INPP1: variants seen among roughly 807,000 people sequenced by gnomAD.
The protein encoded by INPP1 is inositol polyphosphate-1-phosphatase, also known as inositol polyphosphate 1-phosphatase.
INPP1 carries 18 observed loss-of-function variants against 23.0 expected under a neutral mutation model. The ratio of observed to expected loss-of-function variants is 0.78; its 90% CI spans 0.54 to 1.16. INPP1 has a LOEUF of 1.16. INPP1 is among the 50% of genes most tolerant of loss of function. The pLI is 0.00. For synonymous variants in INPP1, 164 were observed against 176.3 expected, an observed-to-expected ratio of 0.93 and a Z score of 0.55; for missense variants, 448 against 482.1, an observed-to-expected ratio of 0.93 and a Z score of 0.66.
chr2:190,361,131 G>A (rs903496034), intron 3 of INPP1, among the ~76,000 whole-genome samples: 1 of 120,868 alleles, frequency 8.3e-6, no homozygotes, highest in South Asian at 2.3e-4. Flanking sequence ...CAATGCAATG[G>A]GTGAAAAAAG....
Position 190,345,890 on chromosome 2 carries a change from A to G in INPP1, c.-209+1929A>G, listed in dbSNP as rs749106434. On this transcript the variant is annotated intron_variant, in intron 1 of 6. Transcript: ENST00000392329. This position sits in a 1 kb window ranked among gnomAD's most constrained non-coding sequence, Gnocchi z 4.9. ...GCACCTGTAGTCCCAGCTATTCAGG[A>G]GGCTGAGGCTGGAGGATCCCTGGAA... 6.6e-6 allele frequency among the ~76,000 whole-genome samples: 1 copy of G among 152,190 alleles called. No individual in the cohort carries two copies. The highest frequency in any genetic ancestry group is 1.5e-5 in the Non-Finnish European group (1 of 68,030).
At chr2:190,366,960 G>A (rs1415635821) in intron 5 of INPP1, 65 bp downstream of exon 5, 5 of 1,055,226 alleles carry the variant, frequency 4.7e-6, no homozygotes, top group African/African-American at 4.7e-5. Flanking sequence ...GGTTGGGGAT[G>A]GGTGTTGGAA....
intron 4 of INPP1, among the ~76,000 whole-genome samples, chr2:190,364,606 T>TTTTCTTTTG (rs796196740): frequency 1.0e-5 from 1 of 96,374 alleles, no homozygotes; most frequent in Non-Finnish European, 1.9e-5. Flanking sequence ...TTTTTTTTTT[T>TTTTCTTTTG]GTTAGATGGA....
chr2:190,370,889 C>G lies in INPP1; in HGVS notation c.687C>G (p.Asn229Lys). The stretch of plus-strand genomic sequence containing the variant: ...GGGGCCTTTCTTACATGGGGACCAA[C>G]ATGCATTCACTACAGCTCACCATCT... ...CYWGLSYMGT[N>K]MHSLQLTISR... Residue 229 changes from asparagine (N) to lysine (K), a missense_variant, in exon 7 of 7, where the codon AAC becomes AAG. Coordinates refer to ENST00000392329, the MANE Select transcript of INPP1 (RefSeq NM_001128928.2). The G allele has an allele frequency of 2.5e-6, 4 of 1,613,984 alleles. No individual in the cohort carries two copies. The highest frequency in any genetic ancestry group is 3.4e-6 in the Non-Finnish European group (4 of 1,179,934).
intron 2 of INPP1, among the ~76,000 whole-genome samples, chr2:190,351,310 C>G (rs1689319656): frequency 6.6e-6 from 1 of 152,180 alleles, no homozygotes; most frequent in Non-Finnish European, 1.5e-5. Flanking sequence ...TCTCCTTTTG[C>G]ACATACATTT....
At chr2:190,349,344 G>A (rs2124915389) in intron 2 of INPP1, among the ~76,000 whole-genome samples, 1 of 152,194 alleles carries the variant, frequency 6.6e-6, no homozygotes, top group East Asian at 1.9e-4. Flanking sequence ...GGTTGAAGCA[G>A]GAGAATCACT....
chr2:190,347,464 A>G (rs1241379437), intron 1 of INPP1, among the ~76,000 whole-genome samples: 3 of 152,200 alleles, frequency 2.0e-5, no homozygotes, highest in Non-Finnish European at 2.9e-5. Context: ...ATGAGTTACC[A>G]TAATGGAAAA....
At chr2:190,365,259 G>C (rs1689621709) in intron 4 of INPP1, 1 of 164,326 alleles carries the variant, frequency 6.1e-6, no homozygotes, top group Non-Finnish European at 1.5e-5. Context: ...TTCTCAATGG[G>C]CTCCACAGAG....
In INPP1 at chr2:190,367,619, C is replaced by G. The variant is rs78783379; in HGVS notation, c.466+724C>G. Among the ~76,000 whole-genome samples, 2,460 of 152,248 alleles carry G rather than the reference C, an allele frequency of 0.016. 71 individuals carry two copies. The highest frequency in any genetic ancestry group is 0.055 in the African/African-American group (2,282 of 41,542). On this transcript the variant is annotated intron_variant, in intron 5 of 6. Coordinates refer to ENST00000392329, the MANE Select transcript of INPP1 (RefSeq NM_001128928.2). The surrounding 1 kb of genome is among the most constrained non-coding windows in gnomAD (Gnocchi z 4.1). The stretch of plus-strand genomic sequence containing the variant: ...CTGGAGTGCAGTGGCACAGTCAGAA[C>G]TCACTCACTGCAGCCTTGTCCTCCT...
intron 2 of INPP1, among the ~76,000 whole-genome samples, chr2:190,353,509 T>C (rs77146884): frequency 2.9e-3 from 445 of 152,354 alleles, no homozygotes; most frequent in African/African-American, 0.01. Context: ...GACATGTGAC[T>C]GTGGTTTCTG....
chr2:190,371,056 T>C lies in INPP1; in HGVS notation c.854T>C (p.Phe285Ser), dbSNP rs915506606. 1 of 1,613,832 alleles carries C rather than the reference T, an allele frequency of 6.2e-7. No individual in the cohort carries two copies. Among genetic ancestry groups the C allele is most frequent in the African/African-American group, 1.3e-5 (1 of 74,812 alleles). Residue 285 changes from phenylalanine to serine, a missense_variant, in exon 7 of 7, where the codon TTT becomes TCT. Coordinates refer to ENST00000392329, the MANE Select transcript of INPP1 (RefSeq NM_001128928.2). The surrounding 1 kb of genome is among the most constrained non-coding windows in gnomAD (Gnocchi z 5.3). ...ALSRVCGDRI[F>S]GAAGAGYKSL... ...TCACGTGTGTGTGGAGATCGCATAT[T>C]TGGGGCAGCTGGGGCTGGTTATAAG...
intron 6 of INPP1, among the ~76,000 whole-genome samples, chr2:190,370,159 T>C (rs1377043663): frequency 6.6e-6 from 1 of 152,226 alleles, no homozygotes. Context: ...GTCAACAAAA[T>C]AGTTTATGGC....
chr2:190,348,089 G>A (rs1689256378), intron 1 of INPP1, among the ~76,000 whole-genome samples: 1 of 152,226 alleles, frequency 6.6e-6, no homozygotes, highest in African/African-American at 2.4e-5. Flanking sequence ...AGTGAGTCAA[G>A]ATCGTGCCAC....
intron 3 of INPP1, among the ~76,000 whole-genome samples, chr2:190,360,783 G>T (rs1575788623): frequency 6.7e-6 from 1 of 149,596 alleles, no homozygotes; most frequent in East Asian, 2.0e-4. Flanking sequence ...TTTGTAACCT[G>T]TTTTTTTTTT....
Position 190,346,655 on chromosome 2 carries a change from G to A in INPP1, c.-208-2233G>A, listed in dbSNP as rs1689221673. On this transcript the variant is annotated intron_variant, in intron 1 of 6. Transcript: ENST00000392329. This position sits in a 1 kb window ranked among gnomAD's most constrained non-coding sequence, Gnocchi z 5.1. ...GAAAAGGTCACACTCTGTCATCCAG[G>A]CTGGAGTACAGTGGTGTGATCATGG... 6.6e-6 allele frequency among the ~76,000 whole-genome samples: 1 copy of A among 151,854 alleles called. No homozygotes were observed. The highest frequency in any genetic ancestry group is 6.6e-5 in the Admixed American group (1 of 15,246).
rs1689202958 is a variant in INPP1, at chr2:190,345,745, G to A, written c.-209+1784G>A. ...GTGGTGGCTCACGCCTGTTATCCCTGCACTTTGGGAGGCCAAGGCAGGTGG... is the reference window on the plus strand; with the variant it reads ...GTGGTGGCTCACGCCTGTTATCCCTACACTTTGGGAGGCCAAGGCAGGTGG... On this transcript the variant is annotated intron_variant, in intron 1 of 6. Coordinates refer to ENST00000392329, the MANE Select transcript of INPP1 (RefSeq NM_001128928.2). This position sits in a 1 kb window ranked among gnomAD's most constrained non-coding sequence, Gnocchi z 4.9. Among the ~76,000 whole-genome samples, 1 of 152,240 alleles carries A rather than the reference G, an allele frequency of 6.6e-6. No individual in the cohort carries two copies. The highest frequency in any genetic ancestry group is 1.9e-4 in the East Asian group (1 of 5,194).
intron 3 of INPP1, among the ~76,000 whole-genome samples, chr2:190,361,692 G>A (rs1028096435): frequency 3.9e-5 from 6 of 152,134 alleles, no homozygotes; most frequent in Admixed American, 6.6e-5. Flanking sequence ...TATTTCATGA[G>A]GCTTTTGTCT....
At chr2:190,370,565 C>G (rs531046575) in intron 6 of INPP1, among the ~76,000 whole-genome samples, 1 of 152,148 alleles carries the variant, frequency 6.6e-6, no homozygotes, top group Non-Finnish European at 1.5e-5. Context: ...GTTCTGGAAG[C>G]TGGAAACCCC....
At chr2:190,348,291 C>T (rs1293881755) in intron 1 of INPP1, among the ~76,000 whole-genome samples, 1 of 152,098 alleles carries the variant, frequency 6.6e-6, no homozygotes. Flanking sequence ...TTATTATGCC[C>T]TTATTATGTA....
Sources: gnomAD v4.1 joint callset for allele counts (sites outside exome capture counted in the v4.1 genomes callset) on GRCh38, gnomAD v4.1.1 for gene constraint, Gnocchi (gnomAD v3.1) non-coding constraint, MANE v1.5 for transcripts, NCBI Gene and HGNC (gene_info 2026-07-23, HGNC 2026-07-21) for gene names.